The following CCDC13 variants were observed in gnomAD, a reference collection of about 807,000 sequenced individuals.
CCDC13 encodes the protein coiled-coil domain-containing protein 13.
CCDC13 carries 70 observed loss-of-function variants against 87.3 expected under a neutral mutation model. That is an observed-to-expected ratio of 0.80 (90% CI 0.66 to 0.98). The LOEUF (loss-of-function observed/expected upper bound fraction) is 0.98. CCDC13 is among the 50% of genes least tolerant of loss of function. The probability of loss-of-function intolerance (pLI) is 0.00; values close to 1 mark genes in which losing one functional copy is unlikely to be tolerated. For synonymous variants in CCDC13, 317 were observed against 360.3 expected, an observed-to-expected ratio of 0.88 and a Z score of 1.36; for missense variants, 842 against 892.0, an observed-to-expected ratio of 0.94 and a Z score of 0.71.
At chr3:42,736,997 T>C (rs1197475864) in intron 9 of CCDC13, among the ~76,000 whole-genome samples, 1 of 152,180 alleles carries the variant, frequency 6.6e-6, no homozygotes, top group Non-Finnish European at 1.5e-5. Flanking sequence ...ATATGCCATG[T>C]TGGTTTGCTG....
chr3:42,736,932 T>C (rs1699041729), intron 9 of CCDC13, among the ~76,000 whole-genome samples: 2 of 152,172 alleles, frequency 1.3e-5, no homozygotes, highest in South Asian at 4.1e-4. Flanking sequence ...TGTTGTTTTA[T>C]ACATAAGTTG....
intron 1 of CCDC13, among the ~76,000 whole-genome samples, chr3:42,766,566 C>T (rs1699936520): frequency 6.8e-6 from 1 of 148,126 alleles, no homozygotes; most frequent in Non-Finnish European, 1.5e-5. Flanking sequence ...GATTGCACCA[C>T]TGCACTCCAG....
chr3:42,755,622 A>G (rs1699686988), intron 3 of CCDC13, among the ~76,000 whole-genome samples: 1 of 152,222 alleles, frequency 6.6e-6, no homozygotes, highest in South Asian at 2.1e-4. Flanking sequence ...GAAAAAAATT[A>G]AAAACATAAA....
chr3:42,716,670 T>C (rs1030755201), intron 13 of CCDC13, among the ~76,000 whole-genome samples: 26 of 152,182 alleles, frequency 1.7e-4, no homozygotes, highest in African/African-American at 4.8e-4. Flanking sequence ...ATGGCTATTA[T>C]TGAAAAAAAG....
chr3:42,757,297 C>A, intron 2 of CCDC13, 83 bp from the exon 3 acceptor site: 1 of 1,311,048 alleles, frequency 7.6e-7, no homozygotes, highest in South Asian at 1.4e-5. Context: ...CCTAGGTGGA[C>A]AGATGGACAC....
chr3:42,731,466 C>A (rs1399902842), intron 12 of CCDC13, among the ~76,000 whole-genome samples: 5 of 152,084 alleles, frequency 3.3e-5, no homozygotes, highest in Non-Finnish European at 4.4e-5. Context: ...TAAGGCCTTG[C>A]TACTACAAGT....
At chr3:42,730,414 A>G in intron 13 of CCDC13, 53 bp downstream of exon 13, 1 of 1,591,076 alleles carries the variant, frequency 6.3e-7, no homozygotes, top group Non-Finnish European at 8.6e-7. Context: ...GCCTGGCCCC[A>G]GTCCCCACCA....
intron 1 of CCDC13, among the ~76,000 whole-genome samples, chr3:42,763,361 A>G (rs1699872291): frequency 6.6e-6 from 1 of 152,172 alleles, no homozygotes. Flanking sequence ...AACACATCCC[A>G]CAGACATTTT....
chr3:42,749,776 A>C (rs1306707616), intron 5 of CCDC13: 2 of 422,116 alleles, frequency 4.7e-6, no homozygotes, highest in Admixed American at 5.3e-5. Context: ...AAAATAACTA[A>C]AGCGCAGTAC....
intron 7 of CCDC13, among the ~76,000 whole-genome samples, chr3:42,743,587 T>TTATATGTATATATATATATATA (rs1699292956): frequency 1.0e-5 from 1 of 97,678 alleles, no homozygotes; most frequent in Admixed American, 1.0e-4. Context: ...CTGGATAATT[T>TTATATGTATATATATATATATA]TATATATATA....
intron 1 of CCDC13, chr3:42,771,140 C>G (rs1700084306): frequency 6.6e-6 from 1 of 152,168 alleles, no homozygotes; most frequent in Admixed American, 6.5e-5. Flanking sequence ...AAGAAATGAG[C>G]TATCACGCCA....
rs995831353 is a variant in CCDC13 at position 42,713,033 on chromosome 3, C to G, written c.1873+129G>C. The G allele has an allele frequency of 2.3e-5, 25 of 1,088,140 alleles. No individual in the cohort carries two copies. In the African/African-American group the frequency reaches 3.4e-4, roughly 15 times the overall value. 67.4% of individuals were successfully genotyped at this position (1,088,140 alleles called of 1,614,324 possible). On this transcript the variant is annotated intron_variant, in intron 14 of 15. Transcript: ENST00000310232. ...CACCCCACAGTGGAGGCAGGCAGAG[C>G]TCCACCCTGATGGAAGCTCTGCTTC... is the stretch of plus-strand genomic sequence containing the variant.
intron 15 of CCDC13, 62 bp downstream of exon 15, chr3:42,709,622 C>T: frequency 7.7e-7 from 1 of 1,298,902 alleles, no homozygotes; most frequent in Non-Finnish European, 1.1e-6. Flanking sequence ...AGTCCCTCTG[C>T]CCATGGAGGC....
In CCDC13 at chr3:42,739,790, A is replaced by G; in HGVS notation, c.1008T>C (p.Asp336=). The G allele has an allele frequency of 6.2e-7, 1 of 1,614,012 alleles. No individual in the cohort carries two copies. The highest frequency in any genetic ancestry group is 8.5e-7 in the Non-Finnish European group (1 of 1,179,978). The change falls in exon 9 of 16, where the codon GAT becomes GAC. Residue 336 remains aspartate (D), a synonymous_variant. Coordinates refer to ENST00000310232, the MANE Select transcript of CCDC13 (RefSeq NM_144719.4). ...GCTCTTCAAGCTCTCTCTGGAGGAC[A>G]TCCCGTTCACTGGCAAGTTTCTGTA... ...EGLEKLASER[D]VLQRELEELK...
chr3:42,728,526 T>G (rs995865027), intron 13 of CCDC13, among the ~76,000 whole-genome samples: 1 of 152,210 alleles, frequency 6.6e-6, no homozygotes, highest in African/African-American at 2.4e-5. Context: ...TAGTTTTACT[T>G]TAAAATAGTT....
chr3:42,766,816 A>C (rs930295989), intron 1 of CCDC13, among the ~76,000 whole-genome samples: 3 of 152,230 alleles, frequency 2.0e-5, no homozygotes, highest in African/African-American at 7.2e-5. Context: ...TCACACAATC[A>C]TATTAGTAGA....
At chr3:42,770,712 C>T (rs1700056526) in intron 1 of CCDC13, 1 of 152,786 alleles carries the variant, frequency 6.5e-6, no homozygotes, top group Non-Finnish European at 1.5e-5. Context: ...TGAGCTGTAA[C>T]ACTCACCGTG....
intron 13 of CCDC13, chr3:42,719,555 CAT>C: frequency 6.6e-6 from 1 of 152,242 alleles, no homozygotes; most frequent in East Asian, 1.9e-4. Context: ...ATTGTTCCAT[CAT>C]AAAGAGGGGT....
intron 7 of CCDC13, 46 bp downstream of exon 7, chr3:42,745,877 T>C (rs766491444): frequency 6.6e-7 from 1 of 1,521,774 alleles, no homozygotes; most frequent in Admixed American, 1.7e-5. Context: ...TCTGGGGTGT[T>C]TTAAATCCTT....
Sources: allele counts gnomAD v4.1 joint callset (sites outside exome capture counted in the v4.1 genomes callset), GRCh38; gene constraint gnomAD v4.1.1; transcripts MANE v1.5; gene names NCBI Gene and HGNC (gene_info 2026-07-23, HGNC 2026-07-21).